ERN1: variants seen among roughly 807,000 people sequenced by gnomAD.
ERN1 encodes serine/threonine-protein kinase/endoribonuclease IRE1.
ERN1 carries 39 observed loss-of-function variants against 113.1 expected under a neutral mutation model. That is an observed-to-expected ratio of 0.34 (90% CI 0.27 to 0.45). The LOEUF (loss-of-function observed/expected upper bound fraction) is 0.45, where lower values mean the gene tolerates loss of function less well. Among genes scored for constraint, ERN1 ranks in the 20% least tolerant of loss-of-function variants. The pLI, the probability that ERN1 is intolerant of heterozygous loss-of-function variation, is 1.00. For synonymous variants in ERN1, 507 were observed against 515.9 expected, an observed-to-expected ratio of 0.98 and a Z score of 0.23; for missense variants, 976 against 1,274.8, an observed-to-expected ratio of 0.77 and a Z score of 3.57.
intron 1 of ERN1, among the ~76,000 whole-genome samples, chr17:64,124,979 G>A (rs530954520): frequency 2.0e-5 from 3 of 152,240 alleles, no homozygotes; most frequent in South Asian, 4.2e-4. Context: ...GGTTTGGGGG[G>A]AAACGGTGTG....
intron 1 of ERN1, chr17:64,129,306 C>T (rs879333120): frequency 5.3e-5 from 8 of 152,376 alleles, no homozygotes. Flanking sequence ...CACCTCGAAC[C>T]CATGCGGGAT....
intron 1 of ERN1, among the ~76,000 whole-genome samples, chr17:64,119,376 G>GTTTTTTTTTTTTTT (rs3044073): frequency 1.3e-5 from 1 of 77,910 alleles, no homozygotes; most frequent in Non-Finnish European, 2.5e-5. Flanking sequence ...TTTTTTCTAG[G>GTTTTTTTTTTTTTT]TTTTTTTTTT....
At chr17:64,055,189 C>T (rs951774006) in intron 13 of ERN1, among the ~76,000 whole-genome samples, 11 of 152,200 alleles carry the variant, frequency 7.2e-5, no homozygotes, top group East Asian at 3.8e-4. Context: ...TGTAAAGATC[C>T]GCACTGAAGC....
chr17:64,118,124 C>T lies in ERN1; in HGVS notation c.54+11852G>A, dbSNP rs184727002. Among the ~76,000 whole-genome samples the T allele has an allele frequency of 3.3e-3, 500 of 152,248 alleles. 2 individuals are homozygous for T. Among genetic ancestry groups the T allele is most frequent in the African/African-American group, 0.012 (481 of 41,532 alleles). On this transcript the variant is annotated intron_variant, in intron 1 of 21. Transcript: ENST00000433197. ...AAAAAGAGGCGGCTGGGGGACTAGT[C>T]GCTTTCACCTAAATGGTGATCCTAA... is the stretch of plus-strand genomic sequence containing the variant.
At position 64,044,223 on chromosome 17, in the gene ERN1, GGA is replaced by G; in HGVS notation, c.2722-25_2722-24del. 3 of 1,478,058 alleles carry G rather than the reference GGA, an allele frequency of 2.0e-6. No individual in the cohort carries two copies. The highest frequency in any genetic ancestry group is 2.7e-6 in the Non-Finnish European group (3 of 1,107,040). The allele number at this position is 1,478,058 out of a possible 1,614,324, so 91.6% of individuals were successfully genotyped here. A position where few individuals can be genotyped will look rare whatever the true frequency, so the allele number is the denominator to read the frequency against. On this transcript the variant is annotated intron_variant, in intron 21 of 21. Transcript: ENST00000433197. The surrounding 1 kb of genome is among the most constrained non-coding windows in gnomAD (Gnocchi z 4.1). ...CTTCTGCAAAGAGTTAGAAAGCTCG[GGA>G]GATTAGAAAGGGGTTAGAAAGCTCG...
chr17:64,083,089 T>C (rs1209817922), intron 2 of ERN1, among the ~76,000 whole-genome samples: 1 of 152,126 alleles, frequency 6.6e-6, no homozygotes, highest in African/African-American at 2.4e-5. Context: ...ATCATCTGAA[T>C]TCAAGATTTG....
In ERN1 at chr17:64,121,852, A is replaced by G. The variant is rs149093387; in HGVS notation, c.54+8124T>C. ...TTTGACTCTACAGTTGAAAATGGCC[A>G]ATTTCCTTGATGGAGACTCTCAGGT... On this transcript the variant is annotated intron_variant, in intron 1 of 21. Coordinates refer to ENST00000433197, the MANE Select transcript of ERN1 (RefSeq NM_001433.5). 6.6e-5 allele frequency among the ~76,000 whole-genome samples: 10 copies of G among 152,294 alleles called. No homozygotes were observed. The East Asian group carries it at 9.6e-4, about 15-fold the overall frequency.
At chr17:64,048,133 C>T (rs2143321102) in intron 18 of ERN1, 148 bp from the exon 19 acceptor site, 1 of 773,730 alleles carries the variant, frequency 1.3e-6, no homozygotes, top group South Asian at 2.2e-5. Flanking sequence ...AGACACAAAA[C>T]CTCAGCCAAA....
chr17:64,114,335 T>C (rs1378714019), intron 1 of ERN1, among the ~76,000 whole-genome samples: 1 of 152,170 alleles, frequency 6.6e-6, no homozygotes, highest in Admixed American at 6.5e-5. Flanking sequence ...GAAAGGGACA[T>C]ACTGGAAACT....
intron 1 of ERN1, among the ~76,000 whole-genome samples, chr17:64,113,540 C>CG (rs1204745015): frequency 2.0e-5 from 3 of 151,324 alleles, no homozygotes; most frequent in African/African-American, 7.3e-5. Context: ...GACAGAGTCT[C>CG]GCTCTGTCAC....
chr17:64,047,787 C>T, intron 19 of ERN1, 71 bp downstream of exon 19: 1 of 1,398,398 alleles, frequency 7.2e-7, no homozygotes, highest in Non-Finnish European at 9.6e-7. Context: ...TATTCTTTGT[C>T]CTTTTCTGTA....
intron 1 of ERN1, among the ~76,000 whole-genome samples, chr17:64,105,704 G>A (rs1004469879): frequency 2.0e-5 from 3 of 152,132 alleles, no homozygotes; most frequent in East Asian, 1.9e-4. Flanking sequence ...AGTGGCTCAC[G>A]CCTGTAATCC....
intron 1 of ERN1, among the ~76,000 whole-genome samples, chr17:64,107,150 T>C (rs924192394): frequency 6.6e-6 from 1 of 152,138 alleles, no homozygotes; most frequent in South Asian, 2.1e-4. Flanking sequence ...CTGAAATCAG[T>C]GCCCAGTAAG....
At position 64,042,844 on chromosome 17, in the gene ERN1, T is replaced by C. The variant is rs1180707964; in HGVS notation, c.*1144A>G. ...TTTTGGTACCACAAAAAATAGAAGA[T>C]GTATTCTATCTTGCATTTATTCTTC... On this transcript the variant is annotated 3_prime_UTR_variant, in exon 22 of 22. Coordinates refer to ENST00000433197, the MANE Select transcript of ERN1 (RefSeq NM_001433.5). 1 of 152,262 alleles carries C rather than the reference T, an allele frequency of 6.6e-6. No homozygotes were observed. Among genetic ancestry groups the C allele is most frequent in the Non-Finnish European group, 1.5e-5 (1 of 68,052 alleles). The allele number at this position is 152,262 out of a possible 1,614,324, so 9.4% of individuals were successfully genotyped here.
intron 2 of ERN1, among the ~76,000 whole-genome samples, chr17:64,087,922 C>T (rs1408022858): frequency 6.6e-6 from 1 of 152,104 alleles, no homozygotes; most frequent in Non-Finnish European, 1.5e-5. Context: ...TGGCAAAATT[C>T]GTGAGGGCCT....
chr17:64,050,128 ATG>A (rs1390107624), intron 17 of ERN1, among the ~76,000 whole-genome samples: 6 of 152,200 alleles, frequency 3.9e-5, no homozygotes, highest in Non-Finnish European at 8.8e-5. Context: ...TCACTGCTGG[ATG>A]TGATAAACCA....
At position 64,057,967 on chromosome 17, in the gene ERN1, T is replaced by C. The variant is rs371889215; in HGVS notation, c.1233A>G (p.Ser411=). ...EEVINLVDQT[S]ENAPTTVSRD... is the part of the protein sequence containing the mutation. ...GAGACACGGTGGTAGGTGCGTTTTC[T>C]GAAGTCTGGTCAACCAGGTTGATAA... The change falls in exon 12 of 22, where the codon TCA becomes TCG. Residue 411 remains serine, a synonymous_variant. Transcript: ENST00000433197. 1.1e-4 allele frequency: 180 copies of C among 1,586,850 alleles called. No homozygotes were observed. The highest frequency in any genetic ancestry group is 1.5e-4 in the Non-Finnish European group (172 of 1,166,780).
At chr17:64,067,427 CAAAAAAAA>C (rs5821418) in intron 7 of ERN1, among the ~76,000 whole-genome samples, 1 of 83,096 alleles carries the variant, frequency 1.2e-5, no homozygotes, top group Non-Finnish European at 2.4e-5. Flanking sequence ...CCCGTCTCTA[CAAAAAAAA>C]AAAAAAAAAA....
chr17:64,126,200 C>G (rs562020569), intron 1 of ERN1, among the ~76,000 whole-genome samples: 1 of 152,092 alleles, frequency 6.6e-6, no homozygotes, highest in African/African-American at 2.4e-5. Flanking sequence ...GGTTACAAGC[C>G]CAGTTATTTG....
Sources: allele counts gnomAD v4.1 joint callset (sites outside exome capture counted in the v4.1 genomes callset), GRCh38; gene constraint gnomAD v4.1.1; non-coding constraint Gnocchi (gnomAD v3.1); transcripts MANE v1.5; gene names NCBI Gene and HGNC (gene_info 2026-07-23, HGNC 2026-07-21).